Variants in PTPN13 observed in about 807,000 individuals in gnomAD.
PTPN13 encodes the protein protein tyrosine phosphatase non-receptor type 13.
In PTPN13, 191 loss-of-function variants were observed where a neutral mutation model predicts 284.0. The observed-to-expected ratio is 0.67, with a 90% CI of 0.60 to 0.76. PTPN13 has a LOEUF of 0.76. Among genes scored for constraint, PTPN13 ranks in the 30% least tolerant of loss-of-function variants. The pLI is 0.00. For missense variants in PTPN13, 2,797 were observed against 2,939.9 expected (o/e 0.95, Z 1.12); for synonymous variants, 986 against 1,022.3 (o/e 0.96, Z 0.68).
At chr4:86,729,643 CT>C (rs1428792262) in intron 10 of PTPN13, among the ~76,000 whole-genome samples, 1 of 149,704 alleles carries the variant, frequency 6.7e-6, no homozygotes. Context: ...GCTATTGAAA[CT>C]TGTGCATGTG....
intron 1 of PTPN13, among the ~76,000 whole-genome samples, chr4:86,632,804 TA>T (rs901964293): frequency 5.3e-5 from 8 of 152,176 alleles, no homozygotes; most frequent in South Asian, 2.1e-4. Context: ...ACTTACCCTT[TA>T]AAAAAATTCT....
intron 2 of PTPN13, among the ~76,000 whole-genome samples, chr4:86,641,257 G>A (rs1156896047): frequency 6.6e-5 from 10 of 152,008 alleles, no homozygotes; most frequent in Non-Finnish European, 1.3e-4. Context: ...AGTGGCGGGG[G>A]GAAAATAGCA....
chr4:86,627,406 C>A (rs1306558790), intron 1 of PTPN13, among the ~76,000 whole-genome samples: 1 of 151,908 alleles, frequency 6.6e-6, no homozygotes, highest in Non-Finnish European at 1.5e-5. Context: ...CAAATGTTAC[C>A]TGAAGTTGTG....
chr4:86,774,350 G>T (rs948745160), intron 32 of PTPN13, 23 bp from the exon 33 acceptor site: 6 of 1,589,174 alleles, frequency 3.8e-6, no homozygotes, highest in Non-Finnish European at 4.3e-6. Flanking sequence ...CAACCTAAAA[G>T]TATTACTGCT....
chr4:86,754,224 C>T (rs1286282797), intron 20 of PTPN13, among the ~76,000 whole-genome samples: 1 of 152,046 alleles, frequency 6.6e-6, no homozygotes, highest in East Asian at 1.9e-4. Flanking sequence ...AATATGAGGG[C>T]CTATCATTAA....
chr4:86,755,739 A>C (rs187751242), intron 20 of PTPN13, among the ~76,000 whole-genome samples: 1 of 152,076 alleles, frequency 6.6e-6, no homozygotes, highest in African/African-American at 2.4e-5. Flanking sequence ...TTGTCCAACT[A>C]TAAGTTAACA....
chr4:86,777,618 T>TC (rs142758760), intron 35 of PTPN13, among the ~76,000 whole-genome samples: 19,715 of 152,236 alleles, frequency 0.13, 1,651 homozygotes, highest in East Asian at 0.29. Flanking sequence ...TTTACAGGAA[T>TC]CCAGGCTTTC....
At chr4:86,810,891 G>T (rs189262613) in intron 46 of PTPN13, among the ~76,000 whole-genome samples, 155 bp from the exon 47 acceptor site, 4 of 152,154 alleles carry the variant, frequency 2.6e-5, no homozygotes, top group Non-Finnish European at 5.9e-5. Context: ...AAGTCCATTC[G>T]CCAAGTCATT....
rs762445015 is a variant in PTPN13, at chr4:86,732,387, A to G, written c.1609-13A>G. 3 of 1,563,280 alleles carry G rather than the reference A, an allele frequency of 1.9e-6. No individual in the cohort carries two copies. Among genetic ancestry groups the G allele is most frequent in the East Asian group, 2.3e-5 (1 of 43,618 alleles). Reference sequence around the variant, plus strand: ...ATAGTAAAAAATATTGATTCTGCTTATGTGATTTGCAGAATTTCTTTGGCC... The same window carrying G: ...ATAGTAAAAAATATTGATTCTGCTTGTGTGATTTGCAGAATTTCTTTGGCC... On this transcript the variant is annotated splice_polypyrimidine_tract_variant and intron_variant, in intron 10 of 47. Coordinates refer to ENST00000411767, the MANE Select transcript of PTPN13 (RefSeq NM_080683.3).
At chr4:86,621,786 T>C (rs1721278646) in intron 1 of PTPN13, among the ~76,000 whole-genome samples, 1 of 151,764 alleles carries the variant, frequency 6.6e-6, no homozygotes, top group East Asian at 1.9e-4. Flanking sequence ...GCATAAGAGA[T>C]AAAGTGAGGC....
At position 86,693,567 on chromosome 4, in the gene PTPN13, T is replaced by G. The variant is rs375621082; in HGVS notation, c.547-20T>G. On this transcript the variant is annotated intron_variant, in intron 5 of 47. Transcript: ENST00000411767. ...GGGAGATCCTTTTGTCAAACTTGAT[T>G]TTTTATTACCTGTGTACAGACAGAT... 150 of 1,455,592 alleles carry G rather than the reference T, an allele frequency of 1.0e-4. 1 individual carries two copies. The East Asian group carries it at 2.7e-3, about 26-fold the overall frequency. 90.2% of individuals were successfully genotyped at this position (1,455,592 alleles called of 1,614,324 possible).
chr4:86,781,381 T>C (rs540083613), intron 36 of PTPN13, among the ~76,000 whole-genome samples: 15 of 152,202 alleles, frequency 9.9e-5, no homozygotes, highest in Non-Finnish European at 2.1e-4. Context: ...GTAAGTGAAA[T>C]ATAATCTCCT....
rs1738869547 is a variant in PTPN13 at position 86,762,925 on chromosome 4, C to T, written c.3752C>T (p.Thr1251Ile). ...EGSLSSQDSR[T>I]ESASLSQSQV... is the part of the protein sequence containing the mutation. ...AGCCTGAGTTCTCAAGATTCCAGGA[C>T]TGAGAGTGCCAGCTTGTCTCAAAGC... Residue 1251 changes from threonine (T) to isoleucine (I), a missense_variant, in exon 24 of 48, where the codon ACT (threonine) becomes ATT (isoleucine). Thr to Ile is a moderately conservative substitution (Grantham distance 89). Coordinates refer to ENST00000411767, the MANE Select transcript of PTPN13 (RefSeq NM_080683.3). 1 of 1,613,906 alleles carries T rather than the reference C, an allele frequency of 6.2e-7. No homozygotes were observed.
chr4:86,685,351 A>G (rs965486045), intron 3 of PTPN13, among the ~76,000 whole-genome samples: 11 of 152,196 alleles, frequency 7.2e-5, no homozygotes, highest in Non-Finnish European at 1.2e-4. Context: ...GTTCTCGCCT[A>G]TAATCCCAGC....
At chr4:86,634,884 T>C (rs914225440) in intron 1 of PTPN13, among the ~76,000 whole-genome samples, 4 of 152,202 alleles carry the variant, frequency 2.6e-5, no homozygotes, top group African/African-American at 4.8e-5. Flanking sequence ...ATGGATAGGA[T>C]GAAACCTGGA....
At chr4:86,710,062 G>A (rs1318291573) in intron 7 of PTPN13, among the ~76,000 whole-genome samples, 3 of 152,226 alleles carry the variant, frequency 2.0e-5, no homozygotes, top group South Asian at 4.2e-4. Flanking sequence ...AACACAAAAG[G>A]TACAGTCGCT....
At chr4:86,797,644 A>C (rs184968081) in intron 41 of PTPN13, among the ~76,000 whole-genome samples, 1 of 152,292 alleles carries the variant, frequency 6.6e-6, no homozygotes, top group African/African-American at 2.4e-5. Context: ...CTAAATGGAA[A>C]TGTGGCAACA....
chr4:86,776,094 C>T (rs531473314), intron 35 of PTPN13, among the ~76,000 whole-genome samples: 3 of 152,188 alleles, frequency 2.0e-5, no homozygotes, highest in African/African-American at 4.8e-5. Flanking sequence ...TACAGGCACC[C>T]GCCACCACGC....
At chr4:86,653,485 C>T (rs1271098348) in intron 2 of PTPN13, among the ~76,000 whole-genome samples, 2 of 149,954 alleles carry the variant, frequency 1.3e-5, no homozygotes, top group Non-Finnish European at 3.0e-5. Flanking sequence ...AGCTCCGGAG[C>T]GCCTCAACTC....
Sources: gnomAD v4.1 joint callset for allele counts (sites outside exome capture counted in the v4.1 genomes callset) on GRCh38, gnomAD v4.1.1 for gene constraint, MANE v1.5 for transcripts, NCBI Gene and HGNC (gene_info 2026-07-23, HGNC 2026-07-21) for gene names.